Variants in CLCA1 observed in about 807,000 individuals in gnomAD.
The protein encoded by CLCA1 is chloride channel accessory 1.
A neutral mutation model predicts 85.6 loss-of-function variants in CLCA1; 59 were observed. The ratio of observed to expected loss-of-function variants is 0.69; its 90% CI spans 0.56 to 0.86. The LOEUF (loss-of-function observed/expected upper bound fraction) is 0.86, where lower values mean the gene tolerates loss of function less well. CLCA1 is among the 40% of genes least tolerant of loss of function. The probability of loss-of-function intolerance (pLI) is 0.00; values close to 1 mark genes in which losing one functional copy is unlikely to be tolerated. For missense variants in CLCA1, 1,022 were observed against 1,101.4 expected (o/e 0.93, Z 1.02); for synonymous variants, 396 against 398.3 (o/e 0.99, Z 0.07).
At chr1:86,485,309 A>G (rs1319799642) in intron 5 of CLCA1, 34 bp from the exon 6 acceptor site, 8 of 1,478,696 alleles carry the variant, frequency 5.4e-6, no homozygotes, top group Non-Finnish European at 7.5e-6. Flanking sequence ...CACATAGTTT[A>G]CCATTATCTA....
chr1:86,488,992 T>G lies in CLCA1; in HGVS notation c.1183-4T>G. On this transcript the variant is annotated splice_polypyrimidine_tract_variant and splice_region_variant and intron_variant, in intron 7 of 13. Coordinates refer to ENST00000394711, the MANE Select transcript of CLCA1 (RefSeq NM_001285.4). ...ATAACTCGTGCCCTAAATTCTGTCC[T>G]TAGGTGATTAGGAAGAAATATCCAA... 1 of 1,613,202 alleles carries G rather than the reference T, an allele frequency of 6.2e-7. No homozygotes were observed. The highest frequency in any genetic ancestry group is 2.2e-5 in the East Asian group (1 of 44,880).
Position 86,490,234 on chromosome 1 carries a change from G to A in CLCA1, c.1358-1031G>A, listed in dbSNP as rs554402709. ...CTTTTGGTAAGATAATTCCCTGGAAGAGGAGGCAGCTATAAGCCAATGCCT... is the reference window on the plus strand; with the variant it reads ...CTTTTGGTAAGATAATTCCCTGGAAAAGGAGGCAGCTATAAGCCAATGCCT... On this transcript the variant is annotated intron_variant, in intron 8 of 13. Coordinates refer to ENST00000394711, the MANE Select transcript of CLCA1 (RefSeq NM_001285.4). Among the ~76,000 whole-genome samples the A allele has an allele frequency of 4.6e-5, 7 of 152,324 alleles. No homozygotes were observed. In the East Asian group the frequency reaches 1.4e-3, roughly 29 times the overall value.
At chr1:86,495,365 A>G in intron 11 of CLCA1, 140 bp from the exon 12 acceptor site, 1 of 646,618 alleles carries the variant, frequency 1.5e-6, no homozygotes, top group South Asian at 2.2e-5. Context: ...CCTTACCCTC[A>G]ACACACCAAA....
Position 86,476,532 on chromosome 1 carries a change from A to G in CLCA1, c.536A>G (p.Asn179Ser), listed in dbSNP as rs751235286. The G allele has an allele frequency of 5.8e-6, 9 of 1,560,534 alleles. No homozygotes were observed. The highest frequency in any genetic ancestry group is 2.2e-5 in the South Asian group (2 of 89,882). Residue 179 changes from asparagine to serine, a missense_variant, in exon 4 of 14, where the codon AAT (asparagine) becomes AGT (serine). By Grantham distance (46) the Asn-to-Ser change is conservative. Coordinates refer to ENST00000394711, the MANE Select transcript of CLCA1 (RefSeq NM_001285.4). ...AATGATGAGAAATTCTACTTATCCAATGGAAGAATACAAGCAGTAAGGTAT... is the reference window on the plus strand; with the variant it reads ...AATGATGAGAAATTCTACTTATCCAGTGGAAGAATACAAGCAGTAAGGTAT... ...YNNDEKFYLS[N>S]GRIQAVRCSA...
At chr1:86,495,698 C>G (rs765171038) in intron 12 of CLCA1, 23 bp downstream of exon 12, 1 of 1,589,314 alleles carries the variant, frequency 6.3e-7, no homozygotes, top group South Asian at 1.1e-5. Flanking sequence ...TAATAACATA[C>G]CTGGCTTGTG....
chr1:86,485,233 G>T (rs1647931248), intron 5 of CLCA1, 110 bp from the exon 6 acceptor site: 2 of 782,424 alleles, frequency 2.6e-6, no homozygotes, highest in Non-Finnish European at 4.2e-6. Flanking sequence ...CACAGTGATT[G>T]TGCAATTGAG....
intron 4 of CLCA1, 42 bp from the exon 5 acceptor site, chr1:86,482,163 A>G (rs763566321): frequency 2.6e-5 from 39 of 1,489,856 alleles, no homozygotes; most frequent in Non-Finnish European, 3.4e-5. Context: ...ACCCTTTGAA[A>G]TGACGACATC....
chr1:86,488,958 C>G (rs1172859451), intron 7 of CLCA1, 38 bp from the exon 8 acceptor site: 1 of 1,581,488 alleles, frequency 6.3e-7, no homozygotes, highest in Non-Finnish European at 8.7e-7. Context: ...TTTGGCCACC[C>G]TAAGTCTGAT....
At chr1:86,473,140 A>T (rs1213174263) in intron 1 of CLCA1, among the ~76,000 whole-genome samples, 2 of 152,208 alleles carry the variant, frequency 1.3e-5, no homozygotes, top group African/African-American at 4.8e-5. Context: ...TGAGGCTCAG[A>T]ATTAGAAATT....
intron 4 of CLCA1, among the ~76,000 whole-genome samples, chr1:86,478,808 A>G (rs187268437): frequency 2.0e-5 from 3 of 152,358 alleles, no homozygotes; most frequent in African/African-American, 7.2e-5. Flanking sequence ...CAATATATTA[A>G]TAATATGTAT....
At chr1:86,477,999 C>T (rs892422022) in intron 4 of CLCA1, among the ~76,000 whole-genome samples, 2 of 152,270 alleles carry the variant, frequency 1.3e-5, no homozygotes, top group East Asian at 1.9e-4. Flanking sequence ...GCTCAGAACA[C>T]AGATTTGGCT....
At chr1:86,473,383 T>C in intron 1 of CLCA1, 34 bp from the exon 2 acceptor site, 1 of 1,454,368 alleles carries the variant, frequency 6.9e-7, no homozygotes. Context: ...TTATTTTCAG[T>C]CAATTGTTAC....
chr1:86,473,387 T>G (rs200401750), intron 1 of CLCA1, 30 bp from the exon 2 acceptor site: 2 of 1,474,324 alleles, frequency 1.4e-6, no homozygotes, highest in Non-Finnish European at 1.8e-6. Context: ...TTTCAGTCAA[T>G]TGTTACGTAT....
chr1:86,474,097 G>T (rs1570279324), intron 3 of CLCA1, among the ~76,000 whole-genome samples: 2 of 152,094 alleles, frequency 1.3e-5, no homozygotes, highest in African/African-American at 4.8e-5. Flanking sequence ...TATAAATACG[G>T]TATTTTGAAT....
chr1:86,471,104 C>G (rs1647487035), intron 1 of CLCA1, among the ~76,000 whole-genome samples: 2 of 152,128 alleles, frequency 1.3e-5, no homozygotes, highest in South Asian at 4.1e-4. Context: ...CTCGTGTGCA[C>G]ACACACACGC....
At chr1:86,473,286 T>C in intron 1 of CLCA1, 131 bp from the exon 2 acceptor site, 1 of 599,732 alleles carries the variant, frequency 1.7e-6, no homozygotes, top group South Asian at 2.8e-5. Flanking sequence ...AAAAGGTATT[T>C]CTATATTTCT....
rs2101727933 is a variant in CLCA1, at chr1:86,473,535, C to A, written c.281C>A (p.Pro94Gln). ...TWKTKADYVR[P>Q]KLETYKNADV... is the part of the protein sequence containing the mutation. ...AAGACAAAGGCTGACTATGTGAGAC[C>A]AAAACTTGAGACCTACAAAAATGTG... Residue 94 changes from proline (P) to glutamine (Q), a missense_variant, in exon 2 of 14, where the codon CCA becomes CAA. Coordinates refer to ENST00000394711, the MANE Select transcript of CLCA1 (RefSeq NM_001285.4). 2.5e-6 allele frequency: 4 copies of A among 1,605,348 alleles called. No individual in the cohort carries two copies. In the South Asian group the frequency reaches 4.5e-5, roughly 18 times the overall value.
At chr1:86,493,720 G>C (rs1466130401) in intron 10 of CLCA1, 121 bp downstream of exon 10, 9 of 746,168 alleles carry the variant, frequency 1.2e-5, no homozygotes, top group Non-Finnish European at 1.7e-5. Flanking sequence ...TTGAATCAAA[G>C]AGAGAACGAG....
intron 5 of CLCA1, 24 bp downstream of exon 5, chr1:86,482,406 T>C (rs552546057): frequency 5.0e-5 from 80 of 1,594,830 alleles, no homozygotes; most frequent in Middle Eastern, 3.4e-4. Context: ...TCTCACCCCC[T>C]CCCCCAGATT....
Sources: gnomAD v4.1 joint callset for allele counts (sites outside exome capture counted in the v4.1 genomes callset) on GRCh38, gnomAD v4.1.1 for gene constraint, MANE v1.5 for transcripts, NCBI Gene and HGNC (gene_info 2026-07-23, HGNC 2026-07-21) for gene names.